Variants in TEX14 observed in about 807,000 individuals in gnomAD.
TEX14 encodes the protein inactive serine/threonine-protein kinase TEX14.
Under a neutral mutation model 178.6 loss-of-function variants are expected in TEX14, and 168 were observed. The observed-to-expected ratio is 0.94, with a 90% confidence interval of 0.83 to 1.07. TEX14 has a LOEUF of 1.07. Ranked by LOEUF, TEX14 falls within the 50% of genes least tolerant of loss-of-function variation. The pLI is 0.00. For synonymous variants in TEX14, 626 were observed against 634.1 expected (o/e 0.99, Z 0.19); for missense variants, 1,730 against 1,753.6 (o/e 0.99, Z 0.24).
intron 28 of TEX14, among the ~76,000 whole-genome samples, chr17:58,563,648 TATATATATATAGAGAGAGAG>T (rs1196838917): frequency 3.6e-5 from 1 of 27,794 alleles, no homozygotes; most frequent in Non-Finnish European, 5.9e-5. Context: ...TATATATATA[TATATATATATAGAGAGAGAG>T]AGAGAGAGAG....
At chr17:58,607,118 CA>C (rs1328586154) in intron 10 of TEX14, among the ~76,000 whole-genome samples, 2 of 150,328 alleles carry the variant, frequency 1.3e-5, no homozygotes, top group Non-Finnish European at 2.9e-5. Context: ...TGACATTCAA[CA>C]AACTGATATG....
chr17:58,631,252 A>C (rs2046280140), intron 2 of TEX14: 1 of 433,290 alleles, frequency 2.3e-6, no homozygotes, highest in Middle Eastern at 1.2e-3. Context: ...ACTTGAGGCC[A>C]AGAGCTCGAG....
chr17:58,584,370 T>C (rs1283426626), intron 19 of TEX14, 130 bp downstream of exon 19: 4 of 644,060 alleles, frequency 6.2e-6, no homozygotes, highest in East Asian at 2.7e-5. Context: ...GTCAGTGACA[T>C]GAAGGCACAT....
In TEX14 at chr17:58,616,254, T is replaced by C. The variant is rs376343368; in HGVS notation, c.688A>G (p.Ile230Val). 17 of 1,613,810 alleles carry C rather than the reference T, an allele frequency of 1.1e-5. 1 individual carries two copies. Among genetic ancestry groups the C allele is most frequent in the Admixed American group, 8.3e-5 (5 of 59,960 alleles). The change falls in exon 7 of 32, where the codon ATT becomes GTT. Residue 230 changes from isoleucine to valine, a missense_variant. By Grantham distance (29) the Ile-to-Val change is conservative. This residue lies in a region of TEX14 where 789 missense variants were observed against 681.2 expected (regional missense o/e 1.16). Transcript: ENST00000349033. ...GCTTGAATCACTTCCTTTTCTCCAA[T>C]GACCGGAAGAGATCCTAGATAGGCC... is the stretch of plus-strand genomic sequence containing the variant. The part of the protein sequence containing the change: ...QMAYLGSLPV[I>V]GEKEVIQADD...
At chr17:58,683,694 C>T (rs1375058621) in intron 1 of TEX14, among the ~76,000 whole-genome samples, 1 of 146,736 alleles carries the variant, frequency 6.8e-6, no homozygotes, top group East Asian at 2.0e-4. Context: ...ACCCGGAAGG[C>T]GGGGTCTGCA....
Position 58,622,820 on chromosome 17 carries a change from T to C in TEX14, c.417+27A>G, listed in dbSNP as rs762409613. ...CAGCCCAGTACTCTTCTAGTGGGCA[T>C]GGCTACAGAGTGGGACCCACCCTTA... On this transcript the variant is annotated intron_variant, in intron 4 of 31. Transcript: ENST00000349033. The C allele has an allele frequency of 2.5e-6, 4 of 1,586,894 alleles. No individual in the cohort carries two copies. In the East Asian group the frequency reaches 9.0e-5, roughly 36 times the overall value.
At chr17:58,580,908 C>G (rs1324909864) in intron 19 of TEX14, among the ~76,000 whole-genome samples, 1 of 152,124 alleles carries the variant, frequency 6.6e-6, no homozygotes, top group African/African-American at 2.4e-5. Flanking sequence ...TAAAACTTGG[C>G]AGGCTGGAGT....
chr17:58,655,713 C>A (rs754457961), intron 1 of TEX14, among the ~76,000 whole-genome samples: 4 of 152,086 alleles, frequency 2.6e-5, no homozygotes, highest in Non-Finnish European at 4.4e-5. Context: ...AATGTCAGAA[C>A]CCTGACATTT....
At chr17:58,620,944 G>A (rs2045983720) in intron 5 of TEX14, among the ~76,000 whole-genome samples, 2 of 152,128 alleles carry the variant, frequency 1.3e-5, no homozygotes, top group South Asian at 4.1e-4. Flanking sequence ...GGAAAGCCAG[G>A]ACTCAAAGTG....
Position 58,559,469 on chromosome 17 carries a change from TAG to T in TEX14, c.4249_4250del (p.Leu1417ArgfsTer4). On this transcript the variant is annotated frameshift_variant, in exon 30 of 32. Coordinates refer to ENST00000349033, the MANE Select transcript of TEX14 (RefSeq NM_031272.5). LOFTEE classifies it high-confidence loss of function. ...AATTCATACCTTCTTCAGAAGTCCCTAGAACACCCTCTGATTTCCTTCTTTCT... is the reference window on the plus strand; with the variant it reads ...AATTCATACCTTCTTCAGAAGTCCCTAACACCCTCTGATTTCCTTCTTTCT... ...TPERRKSEGV[L>X]GTSEEDELKS... is the part of the protein sequence containing the mutation. 1 of 1,483,412 alleles carries T rather than the reference TAG, an allele frequency of 6.7e-7. No individual in the cohort carries two copies. Among genetic ancestry groups the T allele is most frequent in the Non-Finnish European group, 9.4e-7 (1 of 1,063,470 alleles). The allele number at this position is 1,483,412 out of a possible 1,614,324, so 91.9% of individuals were successfully genotyped here. A position where few individuals can be genotyped will look rare whatever the true frequency, so the allele number is the denominator to read the frequency against.
intron 28 of TEX14, among the ~76,000 whole-genome samples, chr17:58,562,346 AT>A (rs1319848908): frequency 6.6e-6 from 1 of 152,156 alleles, no homozygotes. Flanking sequence ...ATCTGAAAAA[AT>A]GTCTTCCACT....
intron 1 of TEX14, among the ~76,000 whole-genome samples, chr17:58,663,943 C>T (rs369051076): frequency 2.6e-5 from 4 of 152,196 alleles, no homozygotes; most frequent in East Asian, 1.9e-4. Context: ...TTTGGGAGGC[C>T]GAGGTGCTGA....
At chr17:58,617,071 C>A (rs1243586428) in intron 6 of TEX14, among the ~76,000 whole-genome samples, 1 of 152,044 alleles carries the variant, frequency 6.6e-6, no homozygotes, top group Non-Finnish European at 1.5e-5. Context: ...GGCAACATGG[C>A]GAAATCCCAT....
intron 25 of TEX14, 94 bp downstream of exon 25, chr17:58,570,291 T>C: frequency 1.4e-6 from 1 of 738,228 alleles, no homozygotes; most frequent in Non-Finnish European, 2.1e-6. Context: ...AAACAGCATT[T>C]CTGTCTGAAC....
At chr17:58,654,743 G>T (rs556024578) in intron 1 of TEX14, among the ~76,000 whole-genome samples, 3 of 151,862 alleles carry the variant, frequency 2.0e-5, no homozygotes, top group African/African-American at 7.3e-5. Context: ...CTGACCTCAG[G>T]TGATCTGCCC....
chr17:58,659,210 C>T lies in TEX14; in HGVS notation c.-1-7208G>A, dbSNP rs140469398. 723 of 304,722 alleles carry T rather than the reference C, an allele frequency of 2.4e-3. 24 individuals carry two copies. The Admixed American group carries it at 0.04, about 17-fold the overall frequency. 18.9% of individuals were successfully genotyped at this position (304,722 alleles called of 1,614,324 possible). On this transcript the variant is annotated intron_variant, in intron 1 of 31. Transcript: ENST00000349033. ...AGTTATGCAGCCGAGTTTTCTCATT[C>T]GGGGAAATCGCGGGAGCAAACACAT...
chr17:58,574,333 T>G (rs1176830642), intron 21 of TEX14, 84 bp from the exon 22 acceptor site: 1 of 1,057,154 alleles, frequency 9.5e-7, no homozygotes, highest in Non-Finnish European at 1.5e-6. Context: ...AACCAGTTGA[T>G]CAGCCCAGTG....
chr17:58,603,019 T>C (rs957608156), intron 11 of TEX14, among the ~76,000 whole-genome samples: 4 of 151,336 alleles, frequency 2.6e-5, no homozygotes, highest in Admixed American at 1.3e-4. Context: ...TGAGCTGAGA[T>C]TGCGCCACTG....
chr17:58,630,068 T>TA (rs1172737328), intron 3 of TEX14, among the ~76,000 whole-genome samples: 4 of 150,226 alleles, frequency 2.7e-5, no homozygotes, highest in Admixed American at 1.3e-4. Flanking sequence ...CTTTTTTTTT[T>TA]ATTTTGAGAC....
Sources: allele counts gnomAD v4.1 joint callset (sites outside exome capture counted in the v4.1 genomes callset), GRCh38; gene constraint gnomAD v4.1.1; regional missense constraint gnomAD v4.1.1; transcripts MANE v1.5; gene names NCBI Gene and HGNC (gene_info 2026-07-23, HGNC 2026-07-21).